Variants in SYT6 observed in about 807,000 individuals in gnomAD.
SYT6 encodes synaptotagmin-6.
A neutral mutation model predicts 38.4 loss-of-function variants in SYT6; 24 were observed. That is an observed-to-expected ratio of 0.62 (90% CI 0.45 to 0.88). SYT6 has a LOEUF of 0.88. SYT6 is among the 40% of genes least tolerant of loss of function. The pLI is 0.00. For synonymous variants in SYT6, 265 were observed against 241.9 expected (o/e 1.10, Z -0.89); for missense variants, 611 against 621.0 (o/e 0.98, Z 0.17).
intron 1 of SYT6, among the ~76,000 whole-genome samples, chr1:114,145,340 G>A (rs1679101227): frequency 6.6e-6 from 1 of 152,106 alleles, no homozygotes; most frequent in Non-Finnish European, 1.5e-5. Flanking sequence ...TCATTTTGCA[G>A]ATGTGGAAAC....
intron 3 of SYT6, among the ~76,000 whole-genome samples, chr1:114,124,620 C>T (rs191023946): frequency 6.6e-6 from 1 of 152,244 alleles, no homozygotes; most frequent in Non-Finnish European, 1.5e-5. Context: ...GAGCTAGACC[C>T]GTGTTCCATG....
chr1:114,095,481 CTGG>C (rs1252393220), intron 6 of SYT6, among the ~76,000 whole-genome samples: 1 of 152,198 alleles, frequency 6.6e-6, no homozygotes, highest in Non-Finnish European at 1.5e-5. Context: ...CAGGCCCAGC[CTGG>C]TAACAGGGAT....
At chr1:114,120,277 T>G (rs1224856202) in intron 3 of SYT6, among the ~76,000 whole-genome samples, 3 of 152,168 alleles carry the variant, frequency 2.0e-5, no homozygotes, top group African/African-American at 7.2e-5. Context: ...AAATTTCCTC[T>G]TGTCTTAGAA....
chr1:114,128,190 G>T (rs184804819), intron 3 of SYT6, among the ~76,000 whole-genome samples: 1 of 152,212 alleles, frequency 6.6e-6, no homozygotes, highest in African/African-American at 2.4e-5. Flanking sequence ...TGGGGCTTCC[G>T]TGTAACCCTG....
chr1:114,096,637 C>T lies in SYT6; in HGVS notation c.1515+1090G>A, dbSNP rs116623343. ...TGTCCTCCATGAGAGGGCAGGGAGC[C>T]GGCAGGTTCTATGGGTTTGCAGACC... On this transcript the variant is annotated intron_variant, in intron 6 of 7. Transcript: ENST00000610222. Among the ~76,000 whole-genome samples, 1,361 of 152,246 alleles carry T rather than the reference C, an allele frequency of 8.9e-3. 22 individuals carry two copies. The highest frequency in any genetic ancestry group is 0.031 in the African/African-American group (1,278 of 41,530).
At chr1:114,106,945 A>G (rs748775971) in intron 3 of SYT6, among the ~76,000 whole-genome samples, 8 of 152,144 alleles carry the variant, frequency 5.3e-5, no homozygotes, top group Non-Finnish European at 1.0e-4. Context: ...AGCTACAGAA[A>G]TGCTTGCAGA....
intron 3 of SYT6, among the ~76,000 whole-genome samples, chr1:114,117,971 G>A (rs753424534): frequency 3.3e-5 from 5 of 152,164 alleles, no homozygotes; most frequent in Admixed American, 2.0e-4. Flanking sequence ...AGACACTTTC[G>A]GGCCCCTTCC....
chr1:114,132,827 A>G (rs550398369), intron 3 of SYT6, among the ~76,000 whole-genome samples: 13 of 152,272 alleles, frequency 8.5e-5, no homozygotes, highest in African/African-American at 2.9e-4. Context: ...CATTTACTAC[A>G]TATAATAACA....
chr1:114,102,721 C>G (rs779835901), intron 4 of SYT6, among the ~76,000 whole-genome samples: 1 of 152,164 alleles, frequency 6.6e-6, no homozygotes, highest in South Asian at 2.1e-4. Flanking sequence ...AGCAGGAGGA[C>G]AGGGGATCTA....
At chr1:114,100,979 C>T (rs1269933653) in intron 4 of SYT6, among the ~76,000 whole-genome samples, 1 of 152,150 alleles carries the variant, frequency 6.6e-6, no homozygotes, top group Non-Finnish European at 1.5e-5. Flanking sequence ...AAAATAGAGG[C>T]AGAGCCACTT....
In SYT6 at chr1:114,153,684, A is replaced by C; in HGVS notation, c.89T>G (p.Leu30Arg). 1.5e-6 allele frequency: 1 copy of C among 674,202 alleles called. No homozygotes were observed. The highest frequency in any genetic ancestry group is 2.7e-6 in the Non-Finnish European group (1 of 369,718). 41.8% of individuals were successfully genotyped at this position (674,202 alleles called of 1,614,324 possible). The stretch of plus-strand genomic sequence containing the variant: ...CCGACAAGTCTCCACGTCCAGCCCG[A>C]GAGGGGGCGGCCGGGCCCGGCACAG... ...ASLCRARPPP[L>R]GLDVETCRSF... The change falls in exon 1 of 8, where the codon CTC becomes CGC. Residue 30 changes from leucine (L) to arginine (R), a missense_variant. Coordinates refer to ENST00000610222, the MANE Select transcript of SYT6 (RefSeq NM_001253772.2).
intron 2 of SYT6, 138 bp from the exon 3 acceptor site, chr1:114,138,191 C>T: frequency 1.2e-6 from 1 of 810,422 alleles, no homozygotes; most frequent in Non-Finnish European, 1.9e-6. Flanking sequence ...CTTGACCCCA[C>T]TTTTGCTCTG....
At chr1:114,123,640 G>T (rs1363489209) in intron 3 of SYT6, among the ~76,000 whole-genome samples, 1 of 152,146 alleles carries the variant, frequency 6.6e-6, no homozygotes, top group African/African-American at 2.4e-5. Context: ...CTGGTTCTAG[G>T]TGCTCCTTCA....
rs1468945448 is a variant in SYT6, at chr1:114,153,827, C to G, written c.-55G>C. On this transcript the variant is annotated 5_prime_UTR_variant, in exon 1 of 8. Transcript: ENST00000610222. ...AGCTCGAACCCGCGCCCCGGCCGCACTGGGGCGGGGCACGACGGCCCCAAG... is the reference window on the plus strand; with the variant it reads ...AGCTCGAACCCGCGCCCCGGCCGCAGTGGGGCGGGGCACGACGGCCCCAAG... 2 of 591,058 alleles carry G rather than the reference C, an allele frequency of 3.4e-6. No homozygotes were observed. Among genetic ancestry groups the G allele is most frequent in the Non-Finnish European group, 5.9e-6 (2 of 340,232 alleles). 36.6% of individuals were successfully genotyped at this position (591,058 alleles called of 1,614,324 possible). A position where few individuals can be genotyped will look rare whatever the true frequency, so the allele number is the denominator to read the frequency against.
chr1:114,146,137 T>G (rs1181449783), intron 1 of SYT6, among the ~76,000 whole-genome samples: 1 of 152,186 alleles, frequency 6.6e-6, no homozygotes, highest in Non-Finnish European at 1.5e-5. Flanking sequence ...TGGCAGGCAG[T>G]GCAAGGAGAA....
intron 1 of SYT6, among the ~76,000 whole-genome samples, chr1:114,141,871 A>G (rs943236727): frequency 9.8e-5 from 15 of 152,352 alleles, no homozygotes; most frequent in Admixed American, 9.8e-4. Context: ...TGCTCTAAAA[A>G]TGGAAAAACA....
chr1:114,120,816 G>A lies in SYT6; in HGVS notation c.1071+16679C>T, dbSNP rs150568423. Among the ~76,000 whole-genome samples, 1,131 of 152,302 alleles carry A rather than the reference G, an allele frequency of 7.4e-3. 11 individuals are homozygous for A. The highest frequency in any genetic ancestry group is 0.012 in the Non-Finnish European group (815 of 68,020). The stretch of plus-strand genomic sequence containing the variant: ...TAACAAGATGGGGTCCCTGCCCCTG[G>A]GGCACCTGCACTCAGGGATTGGTAA... On this transcript the variant is annotated intron_variant, in intron 3 of 7. Transcript: ENST00000610222.
At chr1:114,129,228 AG>A (rs1482735831) in intron 3 of SYT6, among the ~76,000 whole-genome samples, 4 of 152,236 alleles carry the variant, frequency 2.6e-5, no homozygotes, top group African/African-American at 9.6e-5. Flanking sequence ...TTCAGAGACT[AG>A]CCACATCTTA....
At chr1:114,098,608 G>A (rs1404159584) in intron 5 of SYT6, among the ~76,000 whole-genome samples, 1 of 152,208 alleles carries the variant, frequency 6.6e-6, no homozygotes, top group African/African-American at 2.4e-5. Flanking sequence ...AGCCATTGAT[G>A]GTTCTTGAGA....
Sources: gnomAD v4.1 joint callset for allele counts (sites outside exome capture counted in the v4.1 genomes callset) on GRCh38, gnomAD v4.1.1 for gene constraint, MANE v1.5 for transcripts, NCBI Gene and HGNC (gene_info 2026-07-23, HGNC 2026-07-21) for gene names.